The following SLC5A4 variants were observed in gnomAD, a reference collection of about 807,000 sequenced individuals.
SLC5A4 encodes solute carrier family 5 member 4, also known as probable glucose sensor protein SLC5A4.
SLC5A4 carries 55 observed loss-of-function variants against 70.3 expected under a neutral mutation model. That is an observed-to-expected ratio of 0.78 (90% CI 0.63 to 0.98). The LOEUF (loss-of-function observed/expected upper bound fraction) is 0.98. Among genes scored for constraint, SLC5A4 ranks in the 50% least tolerant of loss-of-function variants. SLC5A4 has a pLI of 0.00. For missense variants in SLC5A4, 735 were observed against 839.2 expected, an observed-to-expected ratio of 0.88 and a Z score of 1.53; for synonymous variants, 268 against 305.7, an observed-to-expected ratio of 0.88 and a Z score of 1.29.
chr22:32,352,275 G>T, the SLC5A4 span, among the ~76,000 whole-genome samples: 70 of 145,722 alleles, frequency 4.8e-4, no homozygotes, highest in African/African-American at 1.7e-3. Context: ...TTGTGGGATG[G>T]GGGGAGGGGG....
At chr22:32,218,791 A>ATAGGTACTACACTGACAAG in intron 14 of SLC5A4, 66 bp from the exon 15 acceptor site, 2 of 1,213,176 alleles carry the variant, frequency 1.6e-6, no homozygotes, top group Non-Finnish European at 2.4e-6. Context: ...AATCCTTGTC[A>ATAGGTACTACACTGACAAG]GTGTAGTACC....
chr22:32,326,991 A>C, the SLC5A4 span, among the ~76,000 whole-genome samples: 2 of 152,336 alleles, frequency 1.3e-5, no homozygotes, highest in Admixed American at 1.3e-4. Flanking sequence ...TGCTGCTGAT[A>C]ACTTGACATG....
At chr22:32,225,154 G>A (rs1603224756) in intron 12 of SLC5A4, among the ~76,000 whole-genome samples, 1 of 152,168 alleles carries the variant, frequency 6.6e-6, no homozygotes, top group African/African-American at 2.4e-5. Context: ...GAAAGATTAA[G>A]GGTACATGAT....
the SLC5A4 span, among the ~76,000 whole-genome samples, chr22:32,313,581 CT>C: frequency 6.6e-6 from 1 of 152,208 alleles, no homozygotes; most frequent in African/African-American, 2.4e-5. Context: ...AACAGGTCTG[CT>C]GGGCACTTAT....
chr22:32,343,392 GGATGGCAGATGAGATAT>G, the SLC5A4 span, among the ~76,000 whole-genome samples: 1 of 152,032 alleles, frequency 6.6e-6, no homozygotes, highest in African/African-American at 2.4e-5. Flanking sequence ...GTTCCTATCT[GGATGGCAGATGAGATAT>G]GATGGCAGAT....
upstream of SLC5A4, among the ~76,000 whole-genome samples, chr22:32,259,796 A>G (rs1927666166): frequency 2.0e-5 from 3 of 152,178 alleles, no homozygotes. Context: ...ATTGTTGGGT[A>G]CCATTCACCA....
chr22:32,349,436 A>G, the SLC5A4 span, among the ~76,000 whole-genome samples: 1 of 152,236 alleles, frequency 6.6e-6, no homozygotes, highest in Non-Finnish European at 1.5e-5. Context: ...CACCTGTCCC[A>G]GGGCCTTACA....
chr22:32,334,954 G>A, the SLC5A4 span, among the ~76,000 whole-genome samples: 1 of 152,208 alleles, frequency 6.6e-6, no homozygotes, highest in South Asian at 2.1e-4. Context: ...GGGCAGTGAA[G>A]GTCCAGAAGG....
chr22:32,237,866 C>T (rs916209339), intron 6 of SLC5A4, among the ~76,000 whole-genome samples: 7 of 152,138 alleles, frequency 4.6e-5, no homozygotes, highest in African/African-American at 1.7e-4. Flanking sequence ...CCAGCACCTG[C>T]AACAAGATAT....
Position 32,218,725 on chromosome 22 carries a change from T to C in SLC5A4, c.1769A>G (p.Asp590Gly), listed in dbSNP as rs113997631. The C allele has an allele frequency of 4.0e-4, 650 of 1,612,630 alleles. 3 individuals carry two copies. The African/African-American group carries it at 7.3e-3, about 18-fold the overall frequency. Residue 590 changes from aspartate to glycine, a missense_variant and splice_region_variant, in exon 15 of 15, where the codon GAT (aspartate) becomes GGT (glycine). Transcript: ENST00000266086. ...GCATCCACGTGATTTCTCAGGATAA[T>C]CTGGAACAAAGATAAGCAAATGATT... ...QEETDDGVEEDYPEKSRGCLK... is the reference protein window; with the variant it reads ...QEETDDGVEEGYPEKSRGCLK...
chr22:32,285,145 A>G, the SLC5A4 span: 2 of 152,178 alleles, frequency 1.3e-5, no homozygotes, highest in Non-Finnish European at 2.9e-5. Flanking sequence ...GTGTGTGTAT[A>G]TATGATATAT....
At chr22:32,315,794 TAA>T in the SLC5A4 span, among the ~76,000 whole-genome samples, 2,110 of 95,860 alleles carry the variant, frequency 0.022, 47 homozygotes, top group African/African-American at 0.073. Context: ...CACACTTGCT[TAA>T]AAAAAAAAAA....
chr22:32,314,103 C>G, the SLC5A4 span, among the ~76,000 whole-genome samples: 16,874 of 152,196 alleles, frequency 0.11, 1,291 homozygotes, highest in East Asian at 0.32. Flanking sequence ...AGAGATACGC[C>G]AAGAAGGAGA....
chr22:32,245,613 C>T (rs749059315), intron 5 of SLC5A4, among the ~76,000 whole-genome samples: 4 of 152,196 alleles, frequency 2.6e-5, no homozygotes, highest in Admixed American at 2.6e-4. Context: ...CTCTGCCTCC[C>T]GGGTTCAAGC....
the SLC5A4 span, among the ~76,000 whole-genome samples, chr22:32,263,279 A>T: frequency 6.6e-6 from 1 of 152,230 alleles, no homozygotes; most frequent in African/African-American, 2.4e-5. Context: ...GATTACAGGC[A>T]TGAGCCACTG....
At chr22:32,317,789 T>C in the SLC5A4 span, among the ~76,000 whole-genome samples, 1 of 152,140 alleles carries the variant, frequency 6.6e-6, no homozygotes, top group Non-Finnish European at 1.5e-5. Flanking sequence ...CTTTGAAAAA[T>C]AGTGAGACAT....
intron 8 of SLC5A4, 141 bp from the exon 9 acceptor site, chr22:32,233,175 C>G (rs1925863822): frequency 1.2e-6 from 1 of 814,846 alleles, no homozygotes; most frequent in Non-Finnish European, 1.9e-6. Flanking sequence ...CTCCTGTGTT[C>G]ATTGCAGCAC....
At chr22:32,221,737 T>G (rs1925092459) in intron 13 of SLC5A4, among the ~76,000 whole-genome samples, 1 of 147,472 alleles carries the variant, frequency 6.8e-6, no homozygotes, top group Non-Finnish European at 1.5e-5. Context: ...AGTATCAATG[T>G]TTTTTTTTTG....
the SLC5A4 span, among the ~76,000 whole-genome samples, chr22:32,262,458 GC>G: frequency 6.6e-6 from 1 of 152,180 alleles, no homozygotes; most frequent in Non-Finnish European, 1.5e-5. Flanking sequence ...TACCCTGATG[GC>G]CCACCTTCTA....
Sources: allele counts gnomAD v4.1 joint callset (sites outside exome capture counted in the v4.1 genomes callset), GRCh38; gene constraint gnomAD v4.1.1; transcripts MANE v1.5; gene names NCBI Gene and HGNC (gene_info 2026-07-23, HGNC 2026-07-21).